SBF2: variants seen among roughly 807,000 people sequenced by gnomAD.
The protein encoded by SBF2 is myotubularin-related protein 13.
A neutral mutation model predicts 225.2 loss-of-function variants in SBF2; 112 were observed. The observed-to-expected ratio is 0.50, with a 90% confidence interval of 0.43 to 0.58. SBF2 has a LOEUF of 0.58. SBF2 is among the 20% of genes least tolerant of loss of function. The probability of loss-of-function intolerance (pLI) is 0.00; values close to 1 mark genes in which losing one functional copy is unlikely to be tolerated. For missense variants in SBF2, 1,996 were observed against 2,206.2 expected (o/e 0.90, Z 1.91); for synonymous variants, 763 against 773.3 (o/e 0.99, Z 0.22).
chr11:9,955,041 C>T (rs961848967), intron 16 of SBF2, among the ~76,000 whole-genome samples: 45 of 151,912 alleles, frequency 3.0e-4, no homozygotes, highest in African/African-American at 1.1e-3. Flanking sequence ...AAAGACAGGG[C>T]TTTTCTTTTA....
chr11:10,106,781 T>C (rs1952577019), intron 2 of SBF2, among the ~76,000 whole-genome samples: 1 of 152,148 alleles, frequency 6.6e-6, no homozygotes, highest in South Asian at 2.1e-4. Flanking sequence ...TGTATCCAGA[T>C]AGATTTTTTA....
chr11:9,792,933 GTGTGTGTTTTT>G (rs905860296), intron 33 of SBF2, among the ~76,000 whole-genome samples: 7 of 134,212 alleles, frequency 5.2e-5, no homozygotes, highest in African/African-American at 2.1e-4. Flanking sequence ...GTGTGTGTGT[GTGTGTGTTTTT>G]TTTTTTTTTT....
chr11:10,128,665 C>T (rs10734652), intron 2 of SBF2, among the ~76,000 whole-genome samples: 72,346 of 151,930 alleles, frequency 0.48, 17,557 homozygotes, highest in Admixed American at 0.57. Flanking sequence ...AGTACTAAAC[C>T]TCAAGGTCCT....
intron 2 of SBF2, among the ~76,000 whole-genome samples, chr11:10,177,156 A>C (rs1956501526): frequency 6.6e-6 from 1 of 152,030 alleles, no homozygotes; most frequent in Non-Finnish European, 1.5e-5. Flanking sequence ...TCATGCTAAA[A>C]ACTCTCAATA....
At chr11:10,279,270 G>A (rs374287486) in intron 1 of SBF2, among the ~76,000 whole-genome samples, 16 of 151,826 alleles carry the variant, frequency 1.1e-4, no homozygotes, top group South Asian at 4.2e-4. Context: ...AAACTTAGCC[G>A]GGCATGGTGG....
At chr11:9,842,192 T>C (rs566433299) in intron 25 of SBF2, among the ~76,000 whole-genome samples, 83 of 152,346 alleles carry the variant, frequency 5.4e-4, no homozygotes, top group African/African-American at 1.9e-3. Context: ...TAAGTATTCC[T>C]TCATCTTAGG....
At chr11:9,960,149 C>A (rs937097514) in intron 16 of SBF2, 1 of 158,706 alleles carries the variant, frequency 6.3e-6, no homozygotes, top group African/African-American at 2.4e-5. Context: ...TGCACACCAC[C>A]ATGCCTGGCT....
intron 29 of SBF2, among the ~76,000 whole-genome samples, chr11:9,814,889 TTACC>T (rs1461773148): frequency 1.3e-5 from 2 of 152,170 alleles, no homozygotes; most frequent in African/African-American, 4.8e-5. Context: ...GTATGTGAAT[TTACC>T]TAGGTAAAGG....
intron 1 of SBF2, among the ~76,000 whole-genome samples, chr11:10,262,003 T>C (rs1365040478): frequency 6.6e-6 from 1 of 152,174 alleles, no homozygotes; most frequent in Non-Finnish European, 1.5e-5. Flanking sequence ...GGGCATAATA[T>C]ACTGTATCTT....
intron 2 of SBF2, among the ~76,000 whole-genome samples, chr11:10,114,036 T>C (rs1036595552): frequency 5.3e-5 from 8 of 152,172 alleles, no homozygotes; most frequent in South Asian, 4.1e-4. Context: ...GTTAGGAAGA[T>C]TGCACAATTT....
chr11:10,027,257 G>T (rs907354064), intron 6 of SBF2, among the ~76,000 whole-genome samples: 13 of 152,174 alleles, frequency 8.5e-5, no homozygotes, highest in African/African-American at 3.1e-4. Flanking sequence ...GGCATGAGAA[G>T]AGGCAAATGT....
chr11:10,103,658 T>A (rs540016083), intron 2 of SBF2, among the ~76,000 whole-genome samples: 1 of 152,206 alleles, frequency 6.6e-6, no homozygotes, highest in Admixed American at 6.5e-5. Context: ...TGTTCTTAAA[T>A]GCAGGTTTCT....
Position 9,909,272 on chromosome 11 carries a change from T to C in SBF2, c.1861-13261A>G, listed in dbSNP as rs555683826. On this transcript the variant is annotated intron_variant, in intron 16 of 39. Coordinates refer to ENST00000256190, the MANE Select transcript of SBF2 (RefSeq NM_030962.4). ...CCTAACCACTTATTTTGGAAGGTTT[T>C]TGTTTTCTATTCTGTTGGTTTTGTA... 2.0e-5 allele frequency among the ~76,000 whole-genome samples: 3 copies of C among 152,242 alleles called. No individual in the cohort carries two copies. In the East Asian group the frequency reaches 5.8e-4, roughly 29 times the overall value.
intron 6 of SBF2, among the ~76,000 whole-genome samples, chr11:10,010,914 T>C (rs1384365058): frequency 6.6e-6 from 1 of 152,196 alleles, no homozygotes; most frequent in Non-Finnish European, 1.5e-5. Context: ...CCTATGTCCT[T>C]GAGCAGTGGT....
At chr11:9,922,402 T>C (rs2134229024) in intron 16 of SBF2, among the ~76,000 whole-genome samples, 1 of 152,374 alleles carries the variant, frequency 6.6e-6, no homozygotes, top group Non-Finnish European at 1.5e-5. Context: ...CAGTACTTAA[T>C]GGCTGTTATT....
chr11:10,234,989 G>T (rs1214566320), intron 1 of SBF2, among the ~76,000 whole-genome samples: 1 of 152,048 alleles, frequency 6.6e-6, no homozygotes, highest in East Asian at 1.9e-4. Flanking sequence ...CACTTCCTAC[G>T]TACAAAGAGA....
rs139566792 is a variant in SBF2 at position 10,120,233 on chromosome 11, G to C, written c.141+73669C>G. On this transcript the variant is annotated intron_variant, in intron 2 of 39. Coordinates refer to ENST00000256190, the MANE Select transcript of SBF2 (RefSeq NM_030962.4). ...GTTTCACACAGCATAATGTTCTCATGGTTTATCCATGTTATAGCATGTAAT... is the reference window on the plus strand; with the variant it reads ...GTTTCACACAGCATAATGTTCTCATCGTTTATCCATGTTATAGCATGTAAT... Among the ~76,000 whole-genome samples the C allele has an allele frequency of 3.0e-3, 455 of 152,234 alleles. 4 individuals carry two copies. Among genetic ancestry groups the C allele is most frequent in the African/African-American group, 0.011 (444 of 41,548 alleles).
chr11:10,135,153 T>A (rs1169492883), intron 2 of SBF2, among the ~76,000 whole-genome samples: 1 of 152,236 alleles, frequency 6.6e-6, no homozygotes, highest in Non-Finnish European at 1.5e-5. Context: ...GCTTGCAGCC[T>A]CTGAAGCCAC....
intron 2 of SBF2, among the ~76,000 whole-genome samples, chr11:10,176,882 C>A (rs1480133580): frequency 1.3e-5 from 2 of 152,098 alleles, no homozygotes; most frequent in Non-Finnish European, 1.5e-5. Flanking sequence ...GGCAGAGACA[C>A]AACCAAAAAA....
Sources: allele counts gnomAD v4.1 joint callset (sites outside exome capture counted in the v4.1 genomes callset), GRCh38; gene constraint gnomAD v4.1.1; transcripts MANE v1.5; gene names NCBI Gene and HGNC (gene_info 2026-07-23, HGNC 2026-07-21).